Variants in ARHGAP29 observed in about 807,000 individuals in gnomAD.
ARHGAP29 encodes the protein Rho GTPase activating protein 29, also known as rho GTPase-activating protein 29.
In ARHGAP29, 43 loss-of-function variants were observed where a neutral mutation model predicts 122.6. That is an observed-to-expected ratio of 0.35 (90% CI 0.27 to 0.45). The LOEUF (loss-of-function observed/expected upper bound fraction) is 0.45. Among genes scored for constraint, ARHGAP29 ranks in the 20% least tolerant of loss-of-function variants. The pLI is 1.00. For missense variants in ARHGAP29, 1,303 were observed against 1,477.2 expected (o/e 0.88, Z 1.93); for synonymous variants, 506 against 497.1 (o/e 1.02, Z -0.24).
intron 22 of ARHGAP29, chr1:94,176,701 G>C (rs141800324): frequency 6.6e-6 from 1 of 151,886 alleles, no homozygotes; most frequent in African/African-American, 2.4e-5. Flanking sequence ...TCTGCTTCTC[G>C]GGTTCAAGTG....
At chr1:94,314,462 A>G in the ARHGAP29 span, among the ~76,000 whole-genome samples, 8 of 152,174 alleles carry the variant, frequency 5.3e-5, no homozygotes, top group Non-Finnish European at 8.8e-5. Flanking sequence ...CAAAGAACCC[A>G]CAGGTCTTTC....
At chr1:94,207,748 T>C (rs750071979) in intron 5 of ARHGAP29, among the ~76,000 whole-genome samples, 2 of 152,306 alleles carry the variant, frequency 1.3e-5, no homozygotes, top group African/African-American at 4.8e-5. Context: ...ATGCCTTAAA[T>C]AGTCATTTTT....
At chr1:94,198,602 G>T (rs7547705) in intron 12 of ARHGAP29, among the ~76,000 whole-genome samples, 1 of 152,212 alleles carries the variant, frequency 6.6e-6, no homozygotes, top group Non-Finnish European at 1.5e-5. Context: ...AAACACATAC[G>T]TATATAGGAT....
chr1:94,275,399 G>C (rs1260297142), upstream of ARHGAP29, among the ~76,000 whole-genome samples: 1 of 152,188 alleles, frequency 6.6e-6, no homozygotes, highest in Non-Finnish European at 1.5e-5. Flanking sequence ...TGTTTGATAG[G>C]CTGATGTGTG....
intron 1 of ARHGAP29, among the ~76,000 whole-genome samples, chr1:94,261,344 C>T (rs1007280462): frequency 1.3e-5 from 2 of 152,110 alleles, no homozygotes; most frequent in African/African-American, 2.4e-5. Flanking sequence ...AAGTAATAAA[C>T]ACTTATTTGT....
intron 2 of ARHGAP29, among the ~76,000 whole-genome samples, chr1:94,223,502 G>A (rs7520754): frequency 0.87 from 132,607 of 152,088 alleles, 58,146 homozygotes; most frequent in Non-Finnish European, 0.92. Flanking sequence ...ACTTAGAACA[G>A]TGGCTGGAAC....
intron 20 of ARHGAP29, among the ~76,000 whole-genome samples, chr1:94,178,498 C>G (rs1173123753): frequency 6.6e-6 from 1 of 151,878 alleles, no homozygotes; most frequent in Admixed American, 6.6e-5. Flanking sequence ...ACTTAAACAT[C>G]ATTGTCAGGT....
the ARHGAP29 span, among the ~76,000 whole-genome samples, chr1:94,306,146 G>A: frequency 1.3e-5 from 2 of 152,230 alleles, no homozygotes; most frequent in East Asian, 3.8e-4. Flanking sequence ...CAGTAGTCGG[G>A]CCCTGGGTAT....
chr1:94,178,817 G>A (rs1210285421), intron 20 of ARHGAP29, among the ~76,000 whole-genome samples: 1 of 152,100 alleles, frequency 6.6e-6, no homozygotes, highest in Non-Finnish European at 1.5e-5. Flanking sequence ...CCTCTACCTG[G>A]CTCAGTTTCT....
At chr1:94,302,625 A>C in the ARHGAP29 span, 2 of 430,422 alleles carry the variant, frequency 4.6e-6, no homozygotes, top group Non-Finnish European at 9.3e-6. Context: ...GGGGCTCTCC[A>C]TTACATCATC....
intron 2 of ARHGAP29, among the ~76,000 whole-genome samples, chr1:94,224,903 C>T (rs1162328909): frequency 3.3e-5 from 5 of 152,056 alleles, no homozygotes; most frequent in Non-Finnish European, 1.5e-5. Context: ...GAATTATTTT[C>T]GTAAGAAGTT....
chr1:94,274,256 C>T (rs542704792), intron 1 of ARHGAP29, among the ~76,000 whole-genome samples: 1 of 152,160 alleles, frequency 6.6e-6, no homozygotes, highest in Non-Finnish European at 1.5e-5. Flanking sequence ...ATCGTGAAAG[C>T]AGCCATCAAT....
At position 94,173,899 on chromosome 1, in the gene ARHGAP29, G is replaced by A; in HGVS notation, c.3756C>T (p.Asp1252=). 1 of 1,607,308 alleles carries A rather than the reference G, an allele frequency of 6.2e-7. No individual in the cohort carries two copies. Among genetic ancestry groups the A allele is most frequent in the Non-Finnish European group, 8.5e-7 (1 of 1,175,498 alleles). ...CAAATTGTGGAATTTCACCTTCGAGGTCTTCAAACTGTTGCATTCGTTTTA... is the reference window on the plus strand; with the variant it reads ...CAAATTGTGGAATTTCACCTTCGAGATCTTCAAACTGTTGCATTCGTTTTA... ...PRLKRMQQFE[D]LEGEIPQFV The change falls in exon 23 of 23, where the codon GAC becomes GAT. Residue 1252 remains aspartate, a synonymous_variant. Transcript: ENST00000260526.
At chr1:94,310,654 T>C in the ARHGAP29 span, among the ~76,000 whole-genome samples, 1 of 152,190 alleles carries the variant, frequency 6.6e-6, no homozygotes, top group Non-Finnish European at 1.5e-5. Flanking sequence ...TAATCCTACT[T>C]CCTTTTTGCT....
the ARHGAP29 span, among the ~76,000 whole-genome samples, chr1:94,286,774 T>C: frequency 1.3e-5 from 2 of 152,184 alleles, no homozygotes; most frequent in African/African-American, 2.4e-5. Flanking sequence ...GGTGATCAAA[T>C]GACTTGGTAT....
the ARHGAP29 span, among the ~76,000 whole-genome samples, chr1:94,289,153 CTT>C: frequency 6.6e-6 from 1 of 152,158 alleles, no homozygotes; most frequent in Non-Finnish European, 1.5e-5. Context: ...TTTGTGTCCT[CTT>C]TCATTTTGTT....
intron 1 of ARHGAP29, among the ~76,000 whole-genome samples, chr1:94,256,612 C>T (rs1456981724): frequency 8.8e-6 from 1 of 114,148 alleles, no homozygotes. Context: ...GGCTGGAGTG[C>T]AGTGGCGCGA....
chr1:94,186,408 T>G (rs1448291986), intron 16 of ARHGAP29, 91 bp downstream of exon 16: 4 of 910,144 alleles, frequency 4.4e-6, no homozygotes, highest in Non-Finnish European at 4.9e-6. Context: ...AAAAAAGTAT[T>G]GATTCTTTAA....
chr1:94,211,807 A>G (rs1651638506), intron 3 of ARHGAP29, among the ~76,000 whole-genome samples: 2 of 152,192 alleles, frequency 1.3e-5, no homozygotes, highest in Non-Finnish European at 2.9e-5. Context: ...CACAACGTGC[A>G]TGTTTGTTAC....
Sources: gnomAD v4.1 joint callset for allele counts (sites outside exome capture counted in the v4.1 genomes callset) on GRCh38, gnomAD v4.1.1 for gene constraint, MANE v1.5 for transcripts, NCBI Gene and HGNC (gene_info 2026-07-23, HGNC 2026-07-21) for gene names.